Variants in UGDH observed in about 807,000 individuals in gnomAD.
UGDH encodes the protein UDP-glucose 6-dehydrogenase.
A neutral mutation model predicts 50.6 loss-of-function variants in UGDH; 38 were observed. The ratio of observed to expected loss-of-function variants is 0.75; its 90% CI spans 0.58 to 0.98. The LOEUF (loss-of-function observed/expected upper bound fraction) is 0.98, where lower values mean the gene tolerates loss of function less well. UGDH is among the 50% of genes least tolerant of loss of function. The pLI is 0.00. For missense variants in UGDH, 465 were observed against 606.2 expected (o/e 0.77, Z 2.45); for synonymous variants, 168 against 199.9 (o/e 0.84, Z 1.35).
chr4:39,527,208 C>T, intron 1 of UGDH, 75 bp downstream of exon 1: 1 of 1,069,918 alleles, frequency 9.3e-7, no homozygotes, highest in Non-Finnish European at 1.2e-6. Flanking sequence ...ACCCCAGCCC[C>T]GCTCCCTCCA....
At chr4:39,520,819 A>AT (rs1454201761) in intron 2 of UGDH, among the ~76,000 whole-genome samples, 1 of 151,976 alleles carries the variant, frequency 6.6e-6, no homozygotes, top group Non-Finnish European at 1.5e-5. Flanking sequence ...CACGCCTGTA[A>AT]TCCCAGCACT....
intron 5 of UGDH, 25 bp downstream of exon 5, chr4:39,510,328 G>A: frequency 6.2e-7 from 1 of 1,607,578 alleles, no homozygotes; most frequent in Non-Finnish European, 8.5e-7. Flanking sequence ...TTAATTTAAT[G>A]AAGAGTTGAA....
intron 1 of UGDH, chr4:39,526,984 C>A (rs1351842929): frequency 3.1e-6 from 4 of 1,284,436 alleles, no homozygotes; most frequent in East Asian, 5.6e-5. Context: ...GCTTTGGAGG[C>A]GGCAGGGAAA....
intron 11 of UGDH, among the ~76,000 whole-genome samples, chr4:39,500,577 T>C (rs930344649): frequency 2.6e-5 from 4 of 152,184 alleles, no homozygotes; most frequent in Non-Finnish European, 5.9e-5. Flanking sequence ...AGTGAGTTCA[T>C]ATTTTATTTC....
chr4:39,525,804 C>A (rs576178688), intron 1 of UGDH, among the ~76,000 whole-genome samples: 1 of 152,216 alleles, frequency 6.6e-6, no homozygotes, highest in Non-Finnish European at 1.5e-5. Flanking sequence ...CCACCACGCC[C>A]GGCCCCCATT....
intron 1 of UGDH, among the ~76,000 whole-genome samples, chr4:39,524,556 G>A (rs1746799800): frequency 3.3e-5 from 5 of 151,208 alleles, no homozygotes; most frequent in Non-Finnish European, 4.4e-5. Context: ...AGGCTGGAGT[G>A]CAACAGCACA....
chr4:39,513,985 T>C, intron 3 of UGDH, 98 bp downstream of exon 3: 1 of 1,038,106 alleles, frequency 9.6e-7, no homozygotes, highest in South Asian at 1.5e-5. Context: ...CTAAGCAATG[T>C]TGAGGCTTAA....
chr4:39,505,390 A>G lies in UGDH; in HGVS notation c.1038-20T>C. ...GATTCTCTATAGGAAAAAAAAAATC[A>G]GTATTGGTAAGCTTTATGTGGCATT... is the stretch of plus-strand genomic sequence containing the variant. On this transcript the variant is annotated intron_variant, in intron 8 of 11. Coordinates refer to ENST00000316423, the MANE Select transcript of UGDH (RefSeq NM_003359.4). 6.7e-7 allele frequency: 1 copy of G among 1,493,374 alleles called. No homozygotes were observed. The highest frequency in any genetic ancestry group is 8.9e-7 in the Non-Finnish European group (1 of 1,118,504). The allele number at this position is 1,493,374 out of a possible 1,614,324, so 92.5% of individuals were successfully genotyped here.
intron 2 of UGDH, among the ~76,000 whole-genome samples, chr4:39,517,182 T>C (rs2109939051): frequency 6.6e-6 from 1 of 151,898 alleles, no homozygotes; most frequent in South Asian, 2.1e-4. Flanking sequence ...TATCCATTTT[T>C]TTTTAAAGTA....
chr4:39,502,418 A>G (rs763488080), intron 11 of UGDH, among the ~76,000 whole-genome samples: 11 of 152,212 alleles, frequency 7.2e-5, no homozygotes, highest in Non-Finnish European at 1.6e-4. Context: ...ACCAGATCAG[A>G]TATTTTTGAA....
At chr4:39,504,384 G>C in intron 10 of UGDH, 33 bp downstream of exon 10, 1 of 1,596,528 alleles carries the variant, frequency 6.3e-7, no homozygotes, top group Non-Finnish European at 8.6e-7. Flanking sequence ...AACACCTCTA[G>C]AATTTTCCTT....
Position 39,510,409 on chromosome 4 carries a change from C to T in UGDH, c.607G>A (p.Val203Ile), listed in dbSNP as rs1054657510. The T allele has an allele frequency of 3.7e-6, 6 of 1,614,044 alleles. No homozygotes were observed. Among genetic ancestry groups the T allele is most frequent in the African/African-American group, 1.3e-5 (1 of 74,922 alleles). ...GTGGTGAGGATCTTTTCTCTGGGAA[C>T]CCAGTGCTCATATACAGCACACAGG... ...QALCAVYEHWVPREKILTTNT... is the reference protein window; with the variant it reads ...QALCAVYEHWIPREKILTTNT... Residue 203 changes from valine to isoleucine, a missense_variant, in exon 5 of 12, where the codon GTT (valine) becomes ATT (isoleucine). By Grantham distance (29) the Val-to-Ile change is conservative. Coordinates refer to ENST00000316423, the MANE Select transcript of UGDH (RefSeq NM_003359.4).
chr4:39,510,839 T>C lies in UGDH; in HGVS notation c.287A>G (p.Tyr96Cys), dbSNP rs375953801. Residue 96 changes from tyrosine (Y) to cysteine (C), a missense_variant, in exon 4 of 12, where the codon TAT becomes TGT. Physicochemically the swap from Tyr to Cys is radical, Grantham distance 194. Coordinates refer to ENST00000316423, the MANE Select transcript of UGDH (RefSeq NM_003359.4). ...TGCTGCCCGGCCTTTCCCCATTCCA[T>C]AGGTTTTTGTTGGAGTATTCACCTG... ...FISVNTPTKT[Y>C]GMGKGRAADL... The C allele has an allele frequency of 1.9e-6, 3 of 1,614,060 alleles. No homozygotes were observed. The highest frequency in any genetic ancestry group is 2.5e-6 in the Non-Finnish European group (3 of 1,180,044).
intron 1 of UGDH, among the ~76,000 whole-genome samples, chr4:39,526,746 G>A (rs1306233466): frequency 6.6e-6 from 1 of 152,174 alleles, no homozygotes; most frequent in Admixed American, 6.5e-5. Context: ...GGTGTAGGGG[G>A]CCAACAATGG....
At chr4:39,510,002 A>C (rs1746178478) in intron 5 of UGDH, 95 bp from the exon 6 acceptor site, 1 of 1,370,896 alleles carries the variant, frequency 7.3e-7, no homozygotes, top group Admixed American at 2.8e-5. Flanking sequence ...CAAATTACTG[A>C]GGGAGATATA....
In UGDH at chr4:39,505,659, A is replaced by G; in HGVS notation, c.996T>C (p.Ala332=). ...LFNTVTDKKI[A]ILGFAFKKDT... is the part of the protein sequence containing the mutation. Reference sequence around the variant, plus strand: ...CCTTTTTGAATGCAAATCCCAAAATAGCTATCTTCTTATCAGTTACTGTAT... The same window carrying G: ...CCTTTTTGAATGCAAATCCCAAAATGGCTATCTTCTTATCAGTTACTGTAT... The change falls in exon 8 of 12, where the codon GCT becomes GCC. Residue 332 remains alanine (A), a synonymous_variant. Coordinates refer to ENST00000316423, the MANE Select transcript of UGDH (RefSeq NM_003359.4). The G allele has an allele frequency of 6.2e-7, 1 of 1,608,266 alleles. No homozygotes were observed. The highest frequency in any genetic ancestry group is 1.7e-4 in the Middle Eastern group (1 of 6,044).
At chr4:39,510,141 A>C (rs1746184455) in intron 5 of UGDH, among the ~76,000 whole-genome samples, 1 of 151,958 alleles carries the variant, frequency 6.6e-6, no homozygotes, top group South Asian at 2.1e-4. Context: ...CCAAATTACT[A>C]TTTTAAGATT....
chr4:39,502,791 G>C (rs1354828140), intron 11 of UGDH, among the ~76,000 whole-genome samples: 1 of 152,144 alleles, frequency 6.6e-6, no homozygotes, highest in African/African-American at 2.4e-5. Flanking sequence ...CTGTCACCCA[G>C]GCTGGCATGC....
intron 11 of UGDH, among the ~76,000 whole-genome samples, chr4:39,501,708 A>G (rs1745826990): frequency 6.6e-6 from 1 of 152,164 alleles, no homozygotes; most frequent in South Asian, 2.1e-4. Flanking sequence ...ACTTAACTCA[A>G]AGGGTCGTGG....
Sources: allele counts gnomAD v4.1 joint callset (sites outside exome capture counted in the v4.1 genomes callset), GRCh38; gene constraint gnomAD v4.1.1; transcripts MANE v1.5; gene names NCBI Gene and HGNC (gene_info 2026-07-23, HGNC 2026-07-21).